The following MOSMO variants were observed in gnomAD, a reference collection of about 807,000 sequenced individuals.
MOSMO encodes modulator of smoothened protein.
Under a neutral mutation model 18.4 loss-of-function variants are expected in MOSMO, and 5 were observed. The ratio of observed to expected loss-of-function variants is 0.27; its 90% confidence interval spans 0.14 to 0.57. The LOEUF is 0.57. Among genes scored for constraint, MOSMO ranks in the 20% least tolerant of loss-of-function variants. The pLI is 0.92. For missense variants in MOSMO, 138 were observed against 211.8 expected (o/e 0.65, Z 2.16); for synonymous variants, 82 against 82.3 (o/e 1.00, Z 0.02).
At chr16:22,008,923 G>C (rs550189577) in intron 1 of MOSMO, among the ~76,000 whole-genome samples, 3 of 151,988 alleles carry the variant, frequency 2.0e-5, no homozygotes, top group African/African-American at 7.2e-5. Context: ...TCCGACCCCA[G>C]ACCCTCCACC....
At chr16:22,044,370 G>A (rs1900267801) in intron 1 of MOSMO, among the ~76,000 whole-genome samples, 1 of 152,152 alleles carries the variant, frequency 6.6e-6, no homozygotes, top group Admixed American at 6.5e-5. Flanking sequence ...CTGTGTGCCA[G>A]GGATTGTTCC....
At position 22,041,266 on chromosome 16, in the gene MOSMO, G is replaced by A. The variant is rs917179105; in HGVS notation, c.106+32859G>A. On this transcript the variant is annotated intron_variant, in intron 1 of 2. Transcript: ENST00000542527. ...TCTGAGGTGGAGTCATTTAAGGGAA[G>A]CTTAGCTTGCCTTGTTTTGTTTTTT... is the stretch of plus-strand genomic sequence containing the variant. Among the ~76,000 whole-genome samples the A allele has an allele frequency of 5.9e-5, 9 of 152,220 alleles. No individual in the cohort carries two copies. The East Asian group carries it at 1.5e-3, about 26-fold the overall frequency.
chr16:22,021,069 T>A (rs1323664176), intron 1 of MOSMO, among the ~76,000 whole-genome samples: 1 of 151,774 alleles, frequency 6.6e-6, no homozygotes, highest in East Asian at 1.9e-4. Flanking sequence ...TGGGGGTGGG[T>A]AGGGGATGGT....
chr16:22,052,816 G>GA (rs766367122), intron 1 of MOSMO, among the ~76,000 whole-genome samples: 14 of 151,540 alleles, frequency 9.2e-5, no homozygotes, highest in Non-Finnish European at 1.9e-4. Context: ...TGTTTAGGGG[G>GA]AAAAAAAATT....
intron 1 of MOSMO, among the ~76,000 whole-genome samples, chr16:22,035,009 C>T (rs573616815): frequency 3.9e-5 from 6 of 152,180 alleles, no homozygotes; most frequent in Admixed American, 3.3e-4. Context: ...GCTGGGATTA[C>T]AGGTGTGAGC....
At chr16:22,090,384 G>C (rs1901278324), downstream of MOSMO, 1 of 151,994 alleles carries the variant, frequency 6.6e-6, no homozygotes, top group Admixed American at 6.6e-5. Flanking sequence ...GTTTGAGTTG[G>C]GTTTCTATCT....
intron 1 of MOSMO, chr16:22,064,359 T>C (rs745671880): frequency 2.2e-6 from 1 of 456,514 alleles, no homozygotes; most frequent in South Asian, 1.5e-5. Context: ...TCCAGCTCAG[T>C]TCTGTGTACA....
At chr16:22,084,928 C>T (rs936536132), downstream of MOSMO, among the ~76,000 whole-genome samples, 2 of 152,172 alleles carry the variant, frequency 1.3e-5, no homozygotes, top group African/African-American at 2.4e-5. Context: ...TTCCCTTCTG[C>T]GTCATGCTTC....
chr16:22,088,947 G>A (rs890026890), downstream of MOSMO, among the ~76,000 whole-genome samples: 7 of 151,684 alleles, frequency 4.6e-5, no homozygotes, highest in Admixed American at 2.0e-4. Context: ...GATGTGGAAT[G>A]CAAACAACCA....
rs189708220 is a variant in MOSMO, at chr16:22,031,339, T to C, written c.106+22932T>C. Among the ~76,000 whole-genome samples the C allele has an allele frequency of 2.4e-3, 371 of 152,346 alleles. 3 individuals are homozygous for C. The highest frequency in any genetic ancestry group is 0.02 in the Middle Eastern group (6 of 294). On this transcript the variant is annotated intron_variant, in intron 1 of 2. Coordinates refer to ENST00000542527, the MANE Select transcript of MOSMO (RefSeq NM_001164579.2). ...GGTAATGAAGAGCTATAATGAAATA[T>C]AATTCCACTTTTCTTTTTAAAACAG...
At chr16:22,070,425 G>T (rs533215136) in intron 1 of MOSMO, among the ~76,000 whole-genome samples, 37 of 152,160 alleles carry the variant, frequency 2.4e-4, no homozygotes, top group Non-Finnish European at 5.4e-4. Context: ...GTAACATAAT[G>T]GATCAAGGAC....
intron 1 of MOSMO, among the ~76,000 whole-genome samples, chr16:22,027,345 A>C (rs975349889): frequency 2.0e-5 from 3 of 152,222 alleles, no homozygotes; most frequent in African/African-American, 7.2e-5. Flanking sequence ...ACAAACATTC[A>C]AGAAAAATTT....
At chr16:22,039,844 C>T (rs967885635) in intron 1 of MOSMO, among the ~76,000 whole-genome samples, 1 of 152,282 alleles carries the variant, frequency 6.6e-6, no homozygotes, top group East Asian at 1.9e-4. Flanking sequence ...TAATGCCTTA[C>T]CCTGTATGAT....
At chr16:22,023,373 A>G (rs1899803806) in intron 1 of MOSMO, among the ~76,000 whole-genome samples, 1 of 152,198 alleles carries the variant, frequency 6.6e-6, no homozygotes, top group African/African-American at 2.4e-5. Flanking sequence ...GAATTGCACC[A>G]TTAGTTAAGT....
intron 1 of MOSMO, among the ~76,000 whole-genome samples, chr16:22,071,983 T>C (rs1306281257): frequency 6.6e-6 from 1 of 152,224 alleles, no homozygotes; most frequent in Non-Finnish European, 1.5e-5. Flanking sequence ...TGCTTATGAA[T>C]TCCACTACTG....
chr16:22,020,179 C>G (rs1899727251), intron 1 of MOSMO, among the ~76,000 whole-genome samples: 1 of 148,544 alleles, frequency 6.7e-6, no homozygotes, highest in Admixed American at 6.7e-5. Context: ...TGTCATTGCA[C>G]TCCAGCCTGG....
intron 1 of MOSMO, among the ~76,000 whole-genome samples, chr16:22,044,457 CCCAAATG>C (rs2141735080): frequency 6.6e-6 from 1 of 152,250 alleles, no homozygotes; most frequent in African/African-American, 2.4e-5. Flanking sequence ...CATCCCAAAT[CCCAAATG>C]CTCCAGAATC....
intron 1 of MOSMO, among the ~76,000 whole-genome samples, chr16:22,015,354 A>G (rs1162753788): frequency 6.6e-6 from 1 of 152,160 alleles, no homozygotes; most frequent in Non-Finnish European, 1.5e-5. Flanking sequence ...AGCTGGGACT[A>G]TAGATGCACG....
At chr16:22,028,463 ATTGTT>A (rs1186031921) in intron 1 of MOSMO, among the ~76,000 whole-genome samples, 1 of 151,760 alleles carries the variant, frequency 6.6e-6, no homozygotes, top group Non-Finnish European at 1.5e-5. Context: ...GTTTATTCAC[ATTGTT>A]TTACCACCGT....
Sources: allele counts gnomAD v4.1 joint callset (sites outside exome capture counted in the v4.1 genomes callset), GRCh38; gene constraint gnomAD v4.1.1; transcripts MANE v1.5; gene names NCBI Gene and HGNC (gene_info 2026-07-23, HGNC 2026-07-21).